Variants in RFX4 observed in about 807,000 individuals in gnomAD.
RFX4 encodes the protein regulatory factor X4, also known as transcription factor RFX4.
A neutral mutation model predicts 95.0 loss-of-function variants in RFX4; 10 were observed. The observed-to-expected ratio is 0.11, with a 90% CI of 0.06 to 0.18. The LOEUF is 0.18. Among genes scored for constraint, RFX4 ranks in the 10% least tolerant of loss-of-function variants. The pLI, the probability that RFX4 is intolerant of heterozygous loss-of-function variation, is 1.00. For synonymous variants in RFX4, 321 were observed against 340.7 expected, an observed-to-expected ratio of 0.94 and a Z score of 0.64; for missense variants, 640 against 922.0, an observed-to-expected ratio of 0.69 and a Z score of 3.96.
chr12:106,614,670 G>A (rs1045250694), intron 2 of RFX4, among the ~76,000 whole-genome samples: 48 of 151,702 alleles, frequency 3.2e-4, no homozygotes, highest in African/African-American at 9.4e-4. Context: ...CACCACGCCC[G>A]GCTAATTTTT....
intron 15 of RFX4, among the ~76,000 whole-genome samples, chr12:106,737,838 T>A (rs2042739947): frequency 6.6e-6 from 1 of 152,178 alleles, no homozygotes; most frequent in Non-Finnish European, 1.5e-5. Flanking sequence ...AGATTTGAGA[T>A]CGCCGTATTT....
chr12:106,688,077 T>C (rs1026316740), intron 6 of RFX4, among the ~76,000 whole-genome samples: 4 of 146,816 alleles, frequency 2.7e-5, no homozygotes, highest in Admixed American at 2.7e-4. Context: ...TTTTTTTTTT[T>C]TTTTTTTTTT....
At chr12:106,644,063 T>A (rs2040690740) in intron 3 of RFX4, among the ~76,000 whole-genome samples, 1 of 152,154 alleles carries the variant, frequency 6.6e-6, no homozygotes, top group African/African-American at 2.4e-5. Flanking sequence ...TGTATCACAC[T>A]AAAAATATTG....
At chr12:106,749,961 T>C (rs1024097090) in intron 16 of RFX4, among the ~76,000 whole-genome samples, 3 of 152,190 alleles carry the variant, frequency 2.0e-5, no homozygotes, top group Non-Finnish European at 4.4e-5. Flanking sequence ...CAGTGGTTTG[T>C]TTTTTGTTAT....
chr12:106,673,686 C>T (rs985634553), intron 4 of RFX4, among the ~76,000 whole-genome samples: 5 of 152,180 alleles, frequency 3.3e-5, no homozygotes, highest in Admixed American at 6.5e-5. Flanking sequence ...AATCCCAAAA[C>T]AAAGTATCCA....
chr12:106,711,389 G>A, intron 9 of RFX4, 64 bp from the exon 10 acceptor site: 1 of 1,496,976 alleles, frequency 6.7e-7, no homozygotes, highest in African/African-American at 1.4e-5. Flanking sequence ...ATGTGCCCCT[G>A]GAAAATCCAA....
In RFX4 at chr12:106,740,652, T is replaced by C. The variant is rs1310805344; in HGVS notation, c.1634-6785T>C. On this transcript the variant is annotated intron_variant, in intron 15 of 17. Coordinates refer to ENST00000392842, the MANE Select transcript of RFX4 (RefSeq NM_213594.3). ...GGAGTACAGAAGTGAAAAAGAGTAA[T>C]AGTCACTTCCCGCATGGTACTTACA... is the stretch of plus-strand genomic sequence containing the variant. Among the ~76,000 whole-genome samples the C allele has an allele frequency of 3.9e-5, 6 of 152,166 alleles. 1 individual carries two copies. In the South Asian group the frequency reaches 6.2e-4, roughly 16 times the overall value.
At chr12:106,706,202 C>G (rs933553590) in intron 8 of RFX4, among the ~76,000 whole-genome samples, 5 of 152,194 alleles carry the variant, frequency 3.3e-5, no homozygotes, top group African/African-American at 1.2e-4. Flanking sequence ...AGTTGGAGGC[C>G]AGAGGTCCGG....
At chr12:106,760,602 A>AC (rs2043191779) in intron 17 of RFX4, among the ~76,000 whole-genome samples, 1 of 152,192 alleles carries the variant, frequency 6.6e-6, no homozygotes, top group African/African-American at 2.4e-5. Flanking sequence ...AATGTTCTCT[A>AC]AATGATAGGC....
At position 106,627,140 on chromosome 12, in the gene RFX4, G is replaced by A. The variant is rs137940068; in HGVS notation, c.131-12192G>A. 1.1e-3 allele frequency among the ~76,000 whole-genome samples: 165 copies of A among 152,334 alleles called. 1 individual carries two copies. Among genetic ancestry groups the A allele is most frequent in the Non-Finnish European group, 1.4e-3 (94 of 68,040 alleles). On this transcript the variant is annotated intron_variant, in intron 2 of 17. Coordinates refer to ENST00000392842, the MANE Select transcript of RFX4 (RefSeq NM_213594.3). ...TGTTACTGACTGTCCAGTGGGGACA[G>A]AGGATATCTATAGCAAATGGTAGGG...
chr12:106,654,835 G>C (rs1025824138), intron 4 of RFX4, among the ~76,000 whole-genome samples: 1 of 152,126 alleles, frequency 6.6e-6, no homozygotes, highest in Non-Finnish European at 1.5e-5. Context: ...TCCACATTTA[G>C]AGCTATGTCT....
chr12:106,729,551 C>A (rs1185052071), intron 13 of RFX4, among the ~76,000 whole-genome samples: 1 of 152,106 alleles, frequency 6.6e-6, no homozygotes, highest in South Asian at 2.1e-4. Flanking sequence ...TTGGTTCTGC[C>A]GCTTAATGAC....
intron 7 of RFX4, among the ~76,000 whole-genome samples, chr12:106,694,250 C>T (rs2137443253): frequency 6.6e-6 from 1 of 152,300 alleles, no homozygotes; most frequent in Non-Finnish European, 1.5e-5. Flanking sequence ...TGCCTTTATC[C>T]CTGTTCCTTA....
intron 13 of RFX4, among the ~76,000 whole-genome samples, chr12:106,727,230 T>G (rs1406693571): frequency 6.6e-6 from 1 of 152,156 alleles, no homozygotes; most frequent in Non-Finnish European, 1.5e-5. Flanking sequence ...AGAAGAATCA[T>G]AAAATCATCA....
At chr12:106,704,089 A>AAAAC (rs2042039628) in intron 8 of RFX4, among the ~76,000 whole-genome samples, 1 of 151,506 alleles carries the variant, frequency 6.6e-6, no homozygotes, top group South Asian at 2.1e-4. Context: ...AAAAAAAAAA[A>AAAAC]AAGGCTGAAA....
intron 4 of RFX4, among the ~76,000 whole-genome samples, chr12:106,676,980 T>C (rs2041404459): frequency 6.6e-6 from 1 of 152,210 alleles, no homozygotes; most frequent in Non-Finnish European, 1.5e-5. Context: ...ATCGCAGGTC[T>C]GCATCTGAGC....
intron 8 of RFX4, among the ~76,000 whole-genome samples, chr12:106,704,281 T>C (rs772188834): frequency 6.6e-6 from 1 of 152,176 alleles, no homozygotes; most frequent in African/African-American, 2.4e-5. Flanking sequence ...CTGCTCTCAT[T>C]GAGTTACAGT....
At chr12:106,668,470 T>C (rs983392819) in intron 4 of RFX4, among the ~76,000 whole-genome samples, 4 of 152,282 alleles carry the variant, frequency 2.6e-5, no homozygotes, top group African/African-American at 9.6e-5. Flanking sequence ...TGCAGGCTCA[T>C]AGTCCCAGCT....
At chr12:106,600,866 C>G (rs1239508591) in intron 1 of RFX4, among the ~76,000 whole-genome samples, 2 of 152,158 alleles carry the variant, frequency 1.3e-5, no homozygotes, top group African/African-American at 4.8e-5. Flanking sequence ...AAAAAGCACC[C>G]CCACCTCTCT....
Sources: gnomAD v4.1 joint callset for allele counts (sites outside exome capture counted in the v4.1 genomes callset) on GRCh38, gnomAD v4.1.1 for gene constraint, MANE v1.5 for transcripts, NCBI Gene and HGNC (gene_info 2026-07-23, HGNC 2026-07-21) for gene names.